The following HGS variants were observed in gnomAD, a reference collection of about 807,000 sequenced individuals.
HGS encodes hepatocyte growth factor-regulated tyrosine kinase substrate.
Under a neutral mutation model 109.7 loss-of-function variants are expected in HGS, and 63 were observed. The observed-to-expected ratio is 0.57, with a 90% CI of 0.47 to 0.71. The LOEUF is 0.71. Among genes scored for constraint, HGS ranks in the 30% least tolerant of loss-of-function variants. The pLI is 0.00. For missense variants in HGS, 995 were observed against 1,068.3 expected, an observed-to-expected ratio of 0.93 and a Z score of 0.96; for synonymous variants, 546 against 437.3, an observed-to-expected ratio of 1.25 and a Z score of -3.10.
intron 1 of HGS, chr17:81,684,797 C>T: frequency 1.7e-6 from 1 of 597,352 alleles, no homozygotes; most frequent in Non-Finnish European, 2.1e-6. Flanking sequence ...CCCAAGCTTG[C>T]CTTTTTGTCA....
rs948715455 is a variant in HGS at position 81,687,202 on chromosome 17, G to A, written c.291+107G>A. On this transcript the variant is annotated intron_variant, in intron 4 of 21. Transcript: ENST00000329138. ...AACAGCACCAGGTGTGGCGGAAAATGTGCAGGTGCAGATCGGTGGTCCCTG... is the reference window on the plus strand; with the variant it reads ...AACAGCACCAGGTGTGGCGGAAAATATGCAGGTGCAGATCGGTGGTCCCTG... 15 of 755,188 alleles carry A rather than the reference G, an allele frequency of 2.0e-5. No homozygotes were observed. In the African/African-American group the frequency reaches 2.4e-4, roughly 12 times the overall value. 46.8% of individuals were successfully genotyped at this position (755,188 alleles called of 1,614,324 possible).
rs763182466 is a variant in HGS at position 81,701,526 on chromosome 17, C to A, written c.2242C>A (p.Pro748Thr). The A allele has an allele frequency of 7.7e-6, 12 of 1,559,794 alleles. No homozygotes were observed. The highest frequency in any genetic ancestry group is 1.7e-4 in the Middle Eastern group (1 of 6,042). Residue 748 changes from proline to threonine, a missense_variant, in exon 22 of 22, where the codon CCC (proline) becomes ACC (threonine). Physicochemically the swap from Pro to Thr is conservative, Grantham distance 38 (BLOSUM62 -1). Transcript: ENST00000329138. ...TGCACAGATGGCACCCTCTGGCGGT[C>A]CCCCCCAGCAGCAGCCCCCCGTGGC... ...MYQQMAPSGG[P>T]PQQQPPVAQQ...
rs58903919 is a variant in HGS at position 81,696,163 on chromosome 17, ATGCCCTGCCCTGCCCTGCCCTGCCC to A, written c.1394-178_1394-154del. ...ACAGGAGGTGGTCTCAGTGATGACC[ATGCCCTGCCCTGCCCTGCCCTGCCC>A]TGCCCTGCCCTGCCCAGGACCCTCT... On this transcript the variant is annotated intron_variant, in intron 15 of 21. Coordinates refer to ENST00000329138, the MANE Select transcript of HGS (RefSeq NM_004712.5). 3.1e-5 allele frequency: 24 copies of A among 768,978 alleles called. No homozygotes were observed. The Admixed American group carries it at 5.0e-4, about 16-fold the overall frequency. The allele number at this position is 768,978 out of a possible 1,614,324, so 47.6% of individuals were successfully genotyped here.
chr17:81,697,107 G>A (rs1445894431), intron 18 of HGS, 109 bp downstream of exon 18: 8 of 1,171,504 alleles, frequency 6.8e-6, no homozygotes, highest in African/African-American at 1.5e-5. Context: ...CAGTTGCCCC[G>A]ATGTGAATGT....
intron 4 of HGS, among the ~76,000 whole-genome samples, chr17:81,688,315 C>T (rs2037012534): frequency 6.6e-6 from 1 of 151,644 alleles, no homozygotes; most frequent in Non-Finnish European, 1.5e-5. Flanking sequence ...GAAGGAGGGG[C>T]GTGGCCAGAG....
intron 5 of HGS, 107 bp downstream of exon 5, chr17:81,688,934 G>C: frequency 6.9e-7 from 1 of 1,452,712 alleles, no homozygotes. Flanking sequence ...TGTTCCCTGT[G>C]TTGGGAGGGA....
At chr17:81,694,686 G>A in intron 11 of HGS, 129 bp from the exon 12 acceptor site, 1 of 1,038,238 alleles carries the variant, frequency 9.6e-7, no homozygotes. Context: ...AGGAACCAGA[G>A]GAGGGCACGG....
rs571823019 is a variant in HGS at position 81,691,115 on chromosome 17, G to A, written c.538-332G>A. The stretch of plus-strand genomic sequence containing the variant: ...CAAAACCCCCTCCAGGCTGGCAACC[G>A]GCAGTGCTTGGGGTTTGGGGTGTCA... On this transcript the variant is annotated intron_variant, in intron 7 of 21. Transcript: ENST00000329138. The surrounding 1 kb of genome is among the most constrained non-coding windows in gnomAD (Gnocchi z 5.3). 79 of 414,148 alleles carry A rather than the reference G, an allele frequency of 1.9e-4. No individual in the cohort carries two copies. Among genetic ancestry groups the A allele is most frequent in the African/African-American group, 1.0e-3 (50 of 49,926 alleles). The allele number at this position is 414,148 out of a possible 1,614,324, so 25.7% of individuals were successfully genotyped here. A position where few individuals can be genotyped will look rare whatever the true frequency, so the allele number is the denominator to read the frequency against.
chr17:81,691,419 G>A lies in HGS; in HGVS notation c.538-28G>A, dbSNP rs768769558. 2 of 1,612,720 alleles carry A rather than the reference G, an allele frequency of 1.2e-6. No individual in the cohort carries two copies. Among genetic ancestry groups the A allele is most frequent in the South Asian group, 1.1e-5 (1 of 90,970 alleles). On this transcript the variant is annotated intron_variant, in intron 7 of 21. Transcript: ENST00000329138. This position sits in a 1 kb window ranked among gnomAD's most constrained non-coding sequence, Gnocchi z 5.3. ...CGCATCAGGGTCCCCCAGTGCCTGTGACCAGGCCCGCCCGCCCCATCTTAC... is the reference window on the plus strand; with the variant it reads ...CGCATCAGGGTCCCCCAGTGCCTGTAACCAGGCCCGCCCGCCCCATCTTAC...
chr17:81,700,367 C>CAAAA (rs367982845), intron 18 of HGS, 100 bp from the exon 19 acceptor site: 45 of 960,290 alleles, frequency 4.7e-5, no homozygotes, highest in South Asian at 6.1e-5. Flanking sequence ...GACTCCATCT[C>CAAAA]AAAAAAAAAA....
chr17:81,688,594 G>A lies in HGS; in HGVS notation c.292-110G>A, dbSNP rs1364663314. The stretch of plus-strand genomic sequence containing the variant: ...ACTCGGGGGGCCCTCCCTGGCCTCT[G>A]TGTCAGCCCCATCTGCTCAGAGGCT... On this transcript the variant is annotated intron_variant, in intron 4 of 21. Transcript: ENST00000329138. 41 of 1,401,304 alleles carry A rather than the reference G, an allele frequency of 2.9e-5. No individual in the cohort carries two copies. The East Asian group carries it at 3.7e-4, about 13-fold the overall frequency. 86.8% of individuals were successfully genotyped at this position (1,401,304 alleles called of 1,614,324 possible). A position where few individuals can be genotyped will look rare whatever the true frequency, so the allele number is the denominator to read the frequency against.
At position 81,693,938 on chromosome 17, in the gene HGS, C is replaced by T. The variant is rs779828178; in HGVS notation, c.909C>T (p.Pro303=). 28 of 1,611,226 alleles carry T rather than the reference C, an allele frequency of 1.7e-5. No homozygotes were observed. Among genetic ancestry groups the T allele is most frequent in the Middle Eastern group, 1.6e-4 (1 of 6,074 alleles). ...EPMPSASSAP[P]ASSLYSSPVN... Reference sequence around the variant, plus strand: ...TGCCCTCGGCCTCCTCAGCGCCCCCCGCCAGCAGCCTGTACTCTTCACCTG... The same window carrying T: ...TGCCCTCGGCCTCCTCAGCGCCCCCTGCCAGCAGCCTGTACTCTTCACCTG... The change falls in exon 11 of 22, where the codon CCC becomes CCT. Residue 303 remains proline (P), a synonymous_variant. Transcript: ENST00000329138.
Position 81,684,998 on chromosome 17 carries a change from G to A in HGS, c.38-607G>A, listed in dbSNP as rs896455585. 5 of 985,326 alleles carry A rather than the reference G, an allele frequency of 5.1e-6. No individual in the cohort carries two copies. The Admixed American group carries it at 3.1e-4, about 61-fold the overall frequency. The allele number at this position is 985,326 out of a possible 1,614,324, so 61.0% of individuals were successfully genotyped here. On this transcript the variant is annotated intron_variant, in intron 1 of 21. Coordinates refer to ENST00000329138, the MANE Select transcript of HGS (RefSeq NM_004712.5). ...CGTTTCTGTATCCGGGAAAGGCGAT[G>A]TGGGCAGAGCTGGAGCTGCCCCCCC...
chr17:81,701,028 A>G lies in HGS; in HGVS notation c.2137-17A>G. 1.2e-6 allele frequency: 2 copies of G among 1,609,114 alleles called. No homozygotes were observed. Among genetic ancestry groups the G allele is most frequent in the Non-Finnish European group, 1.7e-6 (2 of 1,175,746 alleles). On this transcript the variant is annotated splice_polypyrimidine_tract_variant and intron_variant, in intron 20 of 21. Coordinates refer to ENST00000329138, the MANE Select transcript of HGS (RefSeq NM_004712.5). ...TCACAGGGCTACTCTCTCACATCTG[A>G]CGTCTTCTCACAACAGAATCTCATG... is the stretch of plus-strand genomic sequence containing the variant.
chr17:81,696,573 C>G, intron 16 of HGS, 34 bp from the exon 17 acceptor site: 1 of 1,560,124 alleles, frequency 6.4e-7, no homozygotes, highest in East Asian at 2.3e-5. Context: ...GCTGGGGGAC[C>G]TCGCAGCATA....
Position 81,701,807 on chromosome 17 carries a change from C to CT in HGS, c.*190dup. 1.2e-6 allele frequency: 1 copy of CT among 820,530 alleles called. No individual in the cohort carries two copies. Among genetic ancestry groups the CT allele is most frequent in the South Asian group, 2.4e-5 (1 of 41,704 alleles). The allele number at this position is 820,530 out of a possible 1,614,324, so 50.8% of individuals were successfully genotyped here. A position where few individuals can be genotyped will look rare whatever the true frequency, so the allele number is the denominator to read the frequency against. On this transcript the variant is annotated 3_prime_UTR_variant, in exon 22 of 22. Coordinates refer to ENST00000329138, the MANE Select transcript of HGS (RefSeq NM_004712.5). ...CCTACTGCAGTCCCTGAGTTAGTCT[C>CT]TGCTTTCTTTCCCCAGGGCTGGGCC...
chr17:81,689,860 T>C (rs1311237966), intron 5 of HGS, among the ~76,000 whole-genome samples: 1 of 152,136 alleles, frequency 6.6e-6, no homozygotes, highest in Admixed American at 6.5e-5. Flanking sequence ...TCAGGATCAG[T>C]GGGAGCCCTG....
In HGS at chr17:81,693,742, A is replaced by G; in HGVS notation, c.830A>G (p.Lys277Arg). The change falls in exon 10 of 22, where the codon AAG becomes AGG. Residue 277 changes from lysine to arginine, a missense_variant. Transcript: ENST00000329138. ...CTGTCACAGTCAGAGGCGGAGGAGAAGGAGAGGCTGGTAAGCCGGGTGGGG... is the reference window on the plus strand; with the variant it reads ...CTGTCACAGTCAGAGGCGGAGGAGAGGGAGAGGCTGGTAAGCCGGGTGGGG... ...LALSQSEAEE[K>R]ERLRQKSTYT... is the part of the protein sequence containing the mutation. 1 of 1,554,014 alleles carries G rather than the reference A, an allele frequency of 6.4e-7. No individual in the cohort carries two copies. Among genetic ancestry groups the G allele is most frequent in the Non-Finnish European group, 8.7e-7 (1 of 1,150,976 alleles).
At position 81,687,111 on chromosome 17, in the gene HGS, G is replaced by A. The variant is rs1325374130; in HGVS notation, c.291+16G>A. The A allele has an allele frequency of 6.3e-7, 1 of 1,595,418 alleles. No individual in the cohort carries two copies. Reference sequence around the variant, plus strand: ...CCTGCTGAAGGTGGGTGAGACGGGGGCATGCGGGTGGCCACCCAGGCTGGC... The same window carrying A: ...CCTGCTGAAGGTGGGTGAGACGGGGACATGCGGGTGGCCACCCAGGCTGGC... On this transcript the variant is annotated intron_variant, in intron 4 of 21. Coordinates refer to ENST00000329138, the MANE Select transcript of HGS (RefSeq NM_004712.5).
Sources: gnomAD v4.1 joint callset for allele counts (sites outside exome capture counted in the v4.1 genomes callset) on GRCh38, gnomAD v4.1.1 for gene constraint, Gnocchi (gnomAD v3.1) non-coding constraint, MANE v1.5 for transcripts, NCBI Gene and HGNC (gene_info 2026-07-23, HGNC 2026-07-21) for gene names.